The following ZNF365 variants were observed in gnomAD, a reference collection of about 807,000 sequenced individuals.
ZNF365 encodes the protein zinc finger protein 365.
Under a neutral mutation model 35.0 loss-of-function variants are expected in ZNF365, and 22 were observed. The observed-to-expected ratio is 0.63, with a 90% CI of 0.45 to 0.90. The LOEUF (loss-of-function observed/expected upper bound fraction) is 0.90, where lower values mean the gene tolerates loss of function less well. ZNF365 is among the 40% of genes least tolerant of loss of function. ZNF365 has a pLI of 0.00. For missense variants in ZNF365, 448 were observed against 500.3 expected (o/e 0.90, Z 1.00); for synonymous variants, 188 against 196.2 (o/e 0.96, Z 0.35).
In ZNF365 at chr10:62,459,798, G is replaced by A; in HGVS notation, c.981+1G>A. On this transcript the variant is annotated splice_donor_variant, in intron 4 of 4. Coordinates refer to the ZNF365 transcript ENST00000395255. LOFTEE classifies it high-confidence loss of function. ...GTGCCAAAATGACCTGGAATTGGAG[G>A]TAAAGCCACCACCTGGGTGGGTGGG... 2 of 1,584,644 alleles carry A rather than the reference G, an allele frequency of 1.3e-6. No homozygotes were observed. The highest frequency in any genetic ancestry group is 1.7e-6 in the Non-Finnish European group (2 of 1,162,404).
chr10:62,468,200 T>C (rs1189682069), intron 4 of ZNF365, among the ~76,000 whole-genome samples: 1 of 152,020 alleles, frequency 6.6e-6, no homozygotes, highest in African/African-American at 2.4e-5. Context: ...AAAGAAAAAA[T>C]ATCCACCACC....
intron 3 of ZNF365, among the ~76,000 whole-genome samples, chr10:62,393,689 T>C (rs1473436062): frequency 1.3e-5 from 2 of 152,184 alleles, no homozygotes; most frequent in Middle Eastern, 3.2e-3. Context: ...TTAATAAATA[T>C]TTATGTTTGT....
At chr10:62,452,600 C>A (rs1840701205) in intron 3 of ZNF365, among the ~76,000 whole-genome samples, 1 of 152,140 alleles carries the variant, frequency 6.6e-6, no homozygotes, top group Non-Finnish European at 1.5e-5. Context: ...AATGAAAAAA[C>A]AAAACTCATG....
chr10:62,387,663 G>C (rs56135225), intron 2 of ZNF365, among the ~76,000 whole-genome samples: 4 of 152,074 alleles, frequency 2.6e-5, no homozygotes, highest in South Asian at 2.1e-4. Context: ...TAGTTTTCCC[G>C]GTGGTCTTTG....
At position 62,400,021 on chromosome 10, in the gene ZNF365, A is replaced by T. The variant is rs937449884; in HGVS notation, c.*232A>T. 1 of 1,301,784 alleles carries T rather than the reference A, an allele frequency of 7.7e-7. No homozygotes were observed. Among genetic ancestry groups the T allele is most frequent in the African/African-American group, 1.5e-5 (1 of 67,870 alleles). The allele number at this position is 1,301,784 out of a possible 1,614,324, so 80.6% of individuals were successfully genotyped here. ...CTTGCAAATTACAGAAAGAATAAAA[A>T]AATTAAATCAATCTTAAAGCTCTAA... On this transcript the variant is annotated 3_prime_UTR_variant, in exon 5 of 5. Coordinates refer to ENST00000395254, the MANE Select transcript of ZNF365 (RefSeq NM_014951.3).
At chr10:62,431,642 G>A (rs1423635743) in intron 3 of ZNF365, among the ~76,000 whole-genome samples, 1 of 152,144 alleles carries the variant, frequency 6.6e-6, no homozygotes, top group African/African-American at 2.4e-5. Flanking sequence ...TGTTTATGAT[G>A]AGCCTCTAGG....
chr10:62,380,465 G>A (rs965041514), intron 2 of ZNF365, among the ~76,000 whole-genome samples: 1 of 152,128 alleles, frequency 6.6e-6, no homozygotes, highest in Non-Finnish European at 1.5e-5. Context: ...TATCAGTAAG[G>A]CTTCTGGTTA....
At chr10:62,397,646 A>G (rs1048350259) in intron 3 of ZNF365, among the ~76,000 whole-genome samples, 4 of 152,204 alleles carry the variant, frequency 2.6e-5, no homozygotes, top group African/African-American at 9.7e-5. Flanking sequence ...GCATGCAGAT[A>G]TTTTATTGCA....
At position 62,402,001 on chromosome 10, in the gene ZNF365, T is replaced by G; in HGVS notation, c.*2212T>G. The G allele has an allele frequency of 1.0e-6, 1 of 985,630 alleles. No homozygotes were observed. The highest frequency in any genetic ancestry group is 4.7e-5 in the South Asian group (1 of 21,286). 61.1% of individuals were successfully genotyped at this position (985,630 alleles called of 1,614,324 possible). A position where few individuals can be genotyped will look rare whatever the true frequency, so the allele number is the denominator to read the frequency against. ...TTGTGCCTCCTTAGAGACATAAATTTAGTGTCAAAACATGGGAGATGGCTT... is the reference window on the plus strand; with the variant it reads ...TTGTGCCTCCTTAGAGACATAAATTGAGTGTCAAAACATGGGAGATGGCTT... On this transcript the variant is annotated 3_prime_UTR_variant, in exon 5 of 5. Coordinates refer to ENST00000395254, the MANE Select transcript of ZNF365 (RefSeq NM_014951.3).
rs114740411 is a variant in ZNF365, at chr10:62,455,911, C to T, written c.925-3830C>T. 4.9e-3 allele frequency among the ~76,000 whole-genome samples: 743 copies of T among 152,260 alleles called. 5 individuals carry two copies. The highest frequency in any genetic ancestry group is 0.017 in the African/African-American group (714 of 41,540). On this transcript the variant is annotated intron_variant, in intron 3 of 4. Coordinates refer to the ZNF365 transcript ENST00000395255. The stretch of plus-strand genomic sequence containing the variant: ...GAAAGGAAACTAAGCTGTTTTTCCT[C>T]CAGGGCCTGTACCATGAAATCGTGA...
chr10:62,418,894 T>A (rs1332400485), intron 3 of ZNF365, among the ~76,000 whole-genome samples: 2 of 76,158 alleles, frequency 2.6e-5, no homozygotes, highest in Non-Finnish European at 6.2e-5. Context: ...CTTATGCCAA[T>A]GTGGTGTGAT....
chr10:62,387,367 G>A (rs1264146405), intron 2 of ZNF365, among the ~76,000 whole-genome samples: 1 of 151,932 alleles, frequency 6.6e-6, no homozygotes, highest in African/African-American at 2.4e-5. Context: ...TAATGGTGGT[G>A]GTCTCAGGAT....
chr10:62,476,855 C>T (rs923861556), intron 4 of ZNF365, among the ~76,000 whole-genome samples: 1 of 152,174 alleles, frequency 6.6e-6, no homozygotes, highest in African/African-American at 2.4e-5. Flanking sequence ...GCTGTTAGGG[C>T]ATTTGTACAC....
chr10:62,453,570 T>C (rs1458375267), intron 3 of ZNF365, among the ~76,000 whole-genome samples: 2 of 152,258 alleles, frequency 1.3e-5, no homozygotes, highest in African/African-American at 2.4e-5. Flanking sequence ...ATCTTTGCTA[T>C]TGTGAATAGT....
At chr10:62,476,242 T>C (rs1841128569) in intron 4 of ZNF365, among the ~76,000 whole-genome samples, 1 of 152,324 alleles carries the variant, frequency 6.6e-6, no homozygotes, top group African/African-American at 2.4e-5. Flanking sequence ...TAGGGTTATA[T>C]AGACTTGAGC....
chr10:62,468,611 T>C (rs1262697001), intron 4 of ZNF365, among the ~76,000 whole-genome samples: 1 of 152,142 alleles, frequency 6.6e-6, no homozygotes, highest in Non-Finnish European at 1.5e-5. Flanking sequence ...ATGAGGACAA[T>C]GCCCCCCCAG....
chr10:62,480,131 C>T (rs1330255465), exon 5 of ZNF365: 15 of 1,306,492 alleles, frequency 1.1e-5, no homozygotes, highest in Non-Finnish European at 1.3e-5. Context: ...CCTGAGGGCA[C>T]AGCCCACCCC....
intron 3 of ZNF365, among the ~76,000 whole-genome samples, chr10:62,432,363 T>A (rs1245447554): frequency 1.3e-5 from 2 of 152,232 alleles, no homozygotes; most frequent in Non-Finnish European, 2.9e-5. Context: ...GAGCCAATAC[T>A]TTGTTAATTC....
intron 2 of ZNF365, among the ~76,000 whole-genome samples, chr10:62,382,357 C>T (rs1321985072): frequency 6.6e-6 from 1 of 152,118 alleles, no homozygotes. Flanking sequence ...ATTGTTGGTT[C>T]GTGCATATAA....
Sources: gnomAD v4.1 joint callset for allele counts (sites outside exome capture counted in the v4.1 genomes callset) on GRCh38, gnomAD v4.1.1 for gene constraint, MANE v1.5 for transcripts, NCBI Gene and HGNC (gene_info 2026-07-23, HGNC 2026-07-21) for gene names.